HDLBP: variants seen among roughly 807,000 people sequenced by gnomAD.
HDLBP encodes the protein high density lipoprotein binding protein.
Under a neutral mutation model 137.3 loss-of-function variants are expected in HDLBP, and 30 were observed. The ratio of observed to expected loss-of-function variants is 0.22; its 90% CI spans 0.16 to 0.30. HDLBP has a LOEUF of 0.30. Ranked by LOEUF, HDLBP falls within the 10% of genes least tolerant of loss-of-function variation. HDLBP has a pLI of 1.00. For missense variants in HDLBP, 1,119 were observed against 1,667.3 expected (o/e 0.67, Z 5.73); for synonymous variants, 606 against 596.0 (o/e 1.02, Z -0.24).
chr2:241,302,840 T>G (rs1393850333), intron 1 of HDLBP: 3 of 152,254 alleles, frequency 2.0e-5, no homozygotes, highest in African/African-American at 7.2e-5. Flanking sequence ...AGAAAACTGC[T>G]TTCTCTCCCC....
intron 1 of HDLBP, among the ~76,000 whole-genome samples, chr2:241,294,444 G>A (rs994116629): frequency 1.7e-4 from 26 of 152,118 alleles, no homozygotes; most frequent in African/African-American, 5.6e-4. Context: ...CTACAGACAC[G>A]TAAATTTCTA....
At chr2:241,313,349 G>A (rs867466666) in intron 1 of HDLBP, among the ~76,000 whole-genome samples, 7 of 152,002 alleles carry the variant, frequency 4.6e-5, no homozygotes, top group African/African-American at 1.5e-4. Flanking sequence ...CTACAATCTC[G>A]GCTCACTGCA....
At chr2:241,274,262 G>A (rs191683852) in intron 1 of HDLBP, among the ~76,000 whole-genome samples, 2 of 152,278 alleles carry the variant, frequency 1.3e-5, no homozygotes, top group Non-Finnish European at 2.9e-5. Context: ...ACCACCTAGG[G>A]AGGGGAGCAG....
intron 17 of HDLBP, among the ~76,000 whole-genome samples, chr2:241,241,206 A>G (rs1341398039): frequency 6.6e-6 from 1 of 152,138 alleles, no homozygotes; most frequent in Non-Finnish European, 1.5e-5. Flanking sequence ...AAGAAATACA[A>G]GGCTCCAGAT....
rs1242565449 is a variant in HDLBP, at chr2:241,255,415, G to C, written c.1039C>G (p.Pro347Ala). 1.2e-6 allele frequency: 2 copies of C among 1,614,074 alleles called. No individual in the cohort carries two copies. Among genetic ancestry groups the C allele is most frequent in the African/African-American group, 2.7e-5 (2 of 74,918 alleles). The change falls in exon 8 of 28, where the codon CCT becomes GCT. Residue 347 changes from proline (P) to alanine (A), a missense_variant. Coordinates refer to ENST00000310931, the MANE Select transcript of HDLBP (RefSeq NM_005336.6). ...GTCAACGCCTGACCTAACTTTTCAGGTTCGCCTCGAAGTATTACAGTCTCA... is the reference window on the plus strand; with the variant it reads ...GTCAACGCCTGACCTAACTTTTCAGCTTCGCCTCGAAGTATTACAGTCTCA... ...ISETVILRGEPEKLGQALTEV... is the reference protein window; with the variant it reads ...ISETVILRGEAEKLGQALTEV...
At chr2:241,277,759 C>T (rs1032000061) in intron 1 of HDLBP, among the ~76,000 whole-genome samples, 2 of 152,118 alleles carry the variant, frequency 1.3e-5, no homozygotes, top group Admixed American at 6.5e-5. Flanking sequence ...GTTGGGAGTT[C>T]GAGACCAGCC....
chr2:241,231,517 G>C (rs2069748762), intron 24 of HDLBP, among the ~76,000 whole-genome samples: 1 of 152,130 alleles, frequency 6.6e-6, no homozygotes, highest in African/African-American at 2.4e-5. Context: ...AGACAAAGGA[G>C]AGACACTAAC....
chr2:241,291,333 C>G (rs1182430978), intron 1 of HDLBP, among the ~76,000 whole-genome samples: 1 of 152,140 alleles, frequency 6.6e-6, no homozygotes, highest in Non-Finnish European at 1.5e-5. Context: ...GTACAACACC[C>G]TCCTGTGACA....
At chr2:241,276,527 C>G (rs529934736) in intron 1 of HDLBP, among the ~76,000 whole-genome samples, 4 of 152,224 alleles carry the variant, frequency 2.6e-5, no homozygotes, top group Admixed American at 2.6e-4. Context: ...AATCTAAATA[C>G]GTGTTAACAG....
At position 241,228,944 on chromosome 2, in the gene HDLBP, G is replaced by A. The variant is rs553767446; in HGVS notation, c.*657C>T. 6.5e-6 allele frequency: 1 copy of A among 152,938 alleles called. No individual in the cohort carries two copies. The highest frequency in any genetic ancestry group is 2.4e-5 in the African/African-American group (1 of 41,562). 9.5% of individuals were successfully genotyped at this position (152,938 alleles called of 1,614,324 possible). A position where few individuals can be genotyped will look rare whatever the true frequency, so the allele number is the denominator to read the frequency against. ...GACCTCAGGCTGAGGGTCTGGCAGTGGAGGTAGGGGCAGGGACCCTTGGTG... is the reference window on the plus strand; with the variant it reads ...GACCTCAGGCTGAGGGTCTGGCAGTAGAGGTAGGGGCAGGGACCCTTGGTG... On this transcript the variant is annotated 3_prime_UTR_variant, in exon 28 of 28. Transcript: ENST00000310931.
chr2:241,306,971 C>CAA (rs5839774), intron 1 of HDLBP, among the ~76,000 whole-genome samples: 2 of 79,128 alleles, frequency 2.5e-5, no homozygotes, highest in Non-Finnish European at 2.8e-5. Flanking sequence ...TGAACCTATT[C>CAA]AAAAAAAAAA....
At chr2:241,275,940 G>A (rs2074373256) in intron 1 of HDLBP, among the ~76,000 whole-genome samples, 1 of 152,140 alleles carries the variant, frequency 6.6e-6, no homozygotes, top group Non-Finnish European at 1.5e-5. Context: ...GAAAGCCAGA[G>A]AGACCAGAAA....
rs59097376 is a variant in HDLBP, at chr2:241,247,338, C to T, written c.1732-196G>A. 1,101 of 590,322 alleles carry T rather than the reference C, an allele frequency of 1.9e-3. 15 individuals carry two copies. The highest frequency in any genetic ancestry group is 0.018 in the African/African-American group (981 of 53,746). The allele number at this position is 590,322 out of a possible 1,614,324, so 36.6% of individuals were successfully genotyped here. A position where few individuals can be genotyped will look rare whatever the true frequency, so the allele number is the denominator to read the frequency against. Reference sequence around the variant, plus strand: ...ACTTACGTTGCAAATTACAGTCAATCGATGCAAGTCTACTTTTTGGCTAAG... The same window carrying T: ...ACTTACGTTGCAAATTACAGTCAATTGATGCAAGTCTACTTTTTGGCTAAG... On this transcript the variant is annotated intron_variant, in intron 14 of 27. Transcript: ENST00000310931.
chr2:241,272,255 T>TG lies in HDLBP; in HGVS notation c.-102-3715dup, dbSNP rs889046152. 2.7e-3 allele frequency: 2,600 copies of TG among 963,288 alleles called. 9 individuals are homozygous for TG. Among genetic ancestry groups the TG allele is most frequent in the Non-Finnish European group, 2.9e-3 (2,334 of 810,738 alleles). The allele number at this position is 963,288 out of a possible 1,614,324, so 59.7% of individuals were successfully genotyped here. A position where few individuals can be genotyped will look rare whatever the true frequency, so the allele number is the denominator to read the frequency against. Reference sequence around the variant, plus strand: ...CCCAGACCCCCGCCCCGCCGCCACCTGGGGGGAAGGACCCCGCTGGCCTCC... The same window carrying TG: ...CCCAGACCCCCGCCCCGCCGCCACCTGGGGGGGAAGGACCCCGCTGGCCTCC... On this transcript the variant is annotated intron_variant, in intron 1 of 27. Transcript: ENST00000310931. This position sits in a 1 kb window ranked among gnomAD's most constrained non-coding sequence, Gnocchi z 5.6.
intron 22 of HDLBP, 28 bp downstream of exon 22, chr2:241,235,462 G>A (rs1249104229): frequency 6.3e-7 from 1 of 1,576,022 alleles, no homozygotes; most frequent in Admixed American, 1.7e-5. Context: ...CCACTCCTGT[G>A]ACATGGCCTC....
In HDLBP at chr2:241,239,696, C is replaced by G; in HGVS notation, c.2516G>C (p.Arg839Pro). 6.2e-7 allele frequency: 1 copy of G among 1,614,186 alleles called. No homozygotes were observed. Among genetic ancestry groups the G allele is most frequent in the Non-Finnish European group, 8.5e-7 (1 of 1,180,030 alleles). The stretch of plus-strand genomic sequence containing the variant: ...GACTTTGTCGCTCTGTGTGCCAGAG[C>G]GTGGGAAGCTGACCATCACCCCGCC... ...EYGGVMVSFPRSGTQSDKVTL... is the reference protein window; with the variant it reads ...EYGGVMVSFPPSGTQSDKVTL... Residue 839 changes from arginine to proline, a missense_variant, in exon 19 of 28, where the codon CGC becomes CCC. Coordinates refer to ENST00000310931, the MANE Select transcript of HDLBP (RefSeq NM_005336.6). This position sits in a 1 kb window ranked among gnomAD's most constrained non-coding sequence, Gnocchi z 4.6.
chr2:241,255,712 A>C, intron 7 of HDLBP, 132 bp from the exon 8 acceptor site: 2 of 699,622 alleles, frequency 2.9e-6, no homozygotes, highest in South Asian at 3.3e-5. Context: ...AGTGAACAAC[A>C]AGTGATCAGG....
chr2:241,237,440 T>G (rs928271263), intron 20 of HDLBP, among the ~76,000 whole-genome samples: 9 of 152,182 alleles, frequency 5.9e-5, no homozygotes, highest in African/African-American at 2.2e-4. Flanking sequence ...ACAACAATAA[T>G]TATCACTAAG....
chr2:241,282,380 A>G (rs2074641145), intron 1 of HDLBP, among the ~76,000 whole-genome samples: 6 of 152,250 alleles, frequency 3.9e-5, no homozygotes, highest in Admixed American at 2.6e-4. Flanking sequence ...GGCTGGAGGA[A>G]TAATTGGTGT....
Sources: gnomAD v4.1 joint callset for allele counts (sites outside exome capture counted in the v4.1 genomes callset) on GRCh38, gnomAD v4.1.1 for gene constraint, Gnocchi (gnomAD v3.1) non-coding constraint, MANE v1.5 for transcripts, NCBI Gene and HGNC (gene_info 2026-07-23, HGNC 2026-07-21) for gene names.